Variants in MAGEC2 observed in about 807,000 individuals in gnomAD.
MAGEC2 encodes melanoma-associated antigen C2.
For synonymous variants in MAGEC2, 127 were observed against 115.1 expected (o/e 1.10, Z -0.66); for missense variants, 332 against 282.3 (o/e 1.18, Z -1.26).
In MAGEC2 at chrX:142,203,954, C is replaced by T; in HGVS notation, c.34G>A (p.Val12Ile). Reference sequence around the variant, plus strand: ...ACTGAGGTCGGGGAGTCGTTGTCAACGTTGCGGAATGGAACGCCTGGAACG... The same window carrying T: ...ACTGAGGTCGGGGAGTCGTTGTCAATGTTGCGGAATGGAACGCCTGGAACG... ...PPVPGVPFRN[V>I]DNDSPTSVEL... Residue 12 changes from valine (V) to isoleucine (I), a missense_variant, in exon 3 of 3, where the codon GTT becomes ATT. By Grantham distance (29) the Val-to-Ile change is conservative. Transcript: ENST00000247452. The T allele has an allele frequency of 2.5e-6, 3 of 1,177,939 alleles. No individual in the cohort carries two copies. The highest frequency in any genetic ancestry group is 3.4e-6 in the Non-Finnish European group (3 of 879,522).
In MAGEC2 at chrX:142,202,667, A is replaced by T. The variant is rs1162581403; in HGVS notation, c.*199T>A. The T allele has an allele frequency of 1.3e-5, 5 of 395,408 alleles. No homozygotes were observed. The highest frequency in any genetic ancestry group is 2.2e-5 in the Non-Finnish European group (5 of 231,693). 32.6% of individuals were successfully genotyped at this position (395,408 alleles called of 1,213,427 possible). ...AATACATGTGCGACTAATATTCATAAATTAACACTCTGAAGCTAACTACCT... is the reference window on the plus strand; with the variant it reads ...AATACATGTGCGACTAATATTCATATATTAACACTCTGAAGCTAACTACCT... On this transcript the variant is annotated 3_prime_UTR_variant, in exon 3 of 3. Transcript: ENST00000247452.
chrX:142,204,492 A>T (rs1569491835), intron 1 of MAGEC2, 37 bp from the exon 2 acceptor site: 1 of 147,810 alleles, frequency 6.8e-6, no homozygotes, highest in Non-Finnish European at 1.3e-5. Flanking sequence ...CAGGCTAAAG[A>T]CTGCAAGTAG....
In MAGEC2 at chrX:142,203,486, G is replaced by C; in HGVS notation, c.502C>G (p.Leu168Val). The part of the protein sequence containing the change: ...AEEPVTEAEM[L>V]MIVIKYKDYF... ...TCTTTGTACTTGATGACAATCATCAGCATCTCTGCCTCTGTTACAGGCTCC... is the reference window on the plus strand; with the variant it reads ...TCTTTGTACTTGATGACAATCATCACCATCTCTGCCTCTGTTACAGGCTCC... Residue 168 changes from leucine to valine, a missense_variant, in exon 3 of 3, where the codon CTG becomes GTG. Transcript: ENST00000247452. The C allele has an allele frequency of 8.3e-7, 1 of 1,211,699 alleles. No individual in the cohort carries two copies. The highest frequency in any genetic ancestry group is 1.1e-6 in the Non-Finnish European group (1 of 895,523).
In MAGEC2 at chrX:142,203,313, G is replaced by A. The variant is rs1213757650; in HGVS notation, c.675C>T (p.Pro225=). 2.5e-6 allele frequency: 3 copies of A among 1,211,250 alleles called. No individual in the cohort carries two copies. The highest frequency in any genetic ancestry group is 3.0e-5 in the East Asian group (1 of 33,779). Residue 225 remains proline, a synonymous_variant, in exon 3 of 3, where the codon CCC becomes CCT. Transcript: ENST00000247452. ...TDEGSDDEGM[P]ENSLLIIILS... is the part of the protein sequence containing the mutation. ...GAATAATAATCAGGAGGCTGTTCTC[G>A]GGCATGCCCTCATCATCACTACCCT...
In MAGEC2 at chrX:142,202,582, A is replaced by G. The variant is rs769579340; in HGVS notation, c.*284T>C. 3.5e-6 allele frequency: 1 copy of G among 283,220 alleles called. No individual in the cohort carries two copies. The highest frequency in any genetic ancestry group is 6.2e-6 in the Non-Finnish European group (1 of 161,186). The allele number at this position is 283,220 out of a possible 1,213,427, so 23.3% of individuals were successfully genotyped here. A position where few individuals can be genotyped will look rare whatever the true frequency, so the allele number is the denominator to read the frequency against. On this transcript the variant is annotated 3_prime_UTR_variant, in exon 3 of 3. Coordinates refer to ENST00000247452, the MANE Select transcript of MAGEC2 (RefSeq NM_016249.4). ...TGTTACAGATCACAAAATAAGGGAG[A>G]AGGTATTTCCATTTTTTTAACAAAA...
chrX:142,203,573 A>G lies in MAGEC2; in HGVS notation c.415T>C (p.Tyr139His). The G allele has an allele frequency of 8.3e-7, 1 of 1,210,967 alleles. No individual in the cohort carries two copies. Among genetic ancestry groups the G allele is most frequent in the Non-Finnish European group, 1.1e-6 (1 of 895,317 alleles). The change falls in exon 3 of 3, where the codon TAT (tyrosine) becomes CAT (histidine). Residue 139 changes from tyrosine (Y) to histidine (H), a missense_variant. By Grantham distance (83) the Tyr-to-His change is moderately conservative (BLOSUM62 2). Coordinates refer to ENST00000247452, the MANE Select transcript of MAGEC2 (RefSeq NM_016249.4). ...GLPDSESSFT[Y>H]TLDEKVAELV... The stretch of plus-strand genomic sequence containing the variant: ...TCGGCCACCTTTTCATCTAGTGTAT[A>G]TGTGAAAGAGGACTCACTGTCTGGC...
In MAGEC2 at chrX:142,204,335, T is replaced by G. The variant is rs190803426; in HGVS notation, c.-67+27A>C. Reference sequence around the variant, plus strand: ...CCTCTGTTTCTGGGGGTAGGGCCCTTGGTACACAGCCAGGGTGTGCACTCA... The same window carrying G: ...CCTCTGTTTCTGGGGGTAGGGCCCTGGGTACACAGCCAGGGTGTGCACTCA... On this transcript the variant is annotated intron_variant, in intron 2 of 2. Transcript: ENST00000247452. The G allele has an allele frequency of 9.8e-5, 38 of 389,607 alleles. No individual in the cohort carries two copies. The Middle Eastern group carries it at 2.1e-3, about 22-fold the overall frequency. The allele number at this position is 389,607 out of a possible 1,213,427, so 32.1% of individuals were successfully genotyped here.
rs1602740345 is a variant in MAGEC2, at chrX:142,203,475, G to C, written c.513C>G (p.Val171=). 8.3e-7 allele frequency: 1 copy of C among 1,209,710 alleles called. No individual in the cohort carries two copies. Among genetic ancestry groups the C allele is most frequent in the Admixed American group, 2.2e-5 (1 of 45,772 alleles). The change falls in exon 3 of 3, where the codon GTC becomes GTG. Residue 171 remains valine, a synonymous_variant. Transcript: ENST00000247452. ...PVTEAEMLMI[V]IKYKDYFPVI... Reference sequence around the variant, plus strand: ...CAGGAAAGTAATCTTTGTACTTGATGACAATCATCAGCATCTCTGCCTCTG... The same window carrying C: ...CAGGAAAGTAATCTTTGTACTTGATCACAATCATCAGCATCTCTGCCTCTG...
Position 142,202,844 on chromosome X carries a change from G to C in MAGEC2, c.*22C>G. On this transcript the variant is annotated 3_prime_UTR_variant, in exon 3 of 3. Transcript: ENST00000247452. Reference sequence around the variant, plus strand: ...CCTAAACTGCCCTGTTCAAACACAAGGGGAAGAAACTATCCTAGACTTCAC... The same window carrying C: ...CCTAAACTGCCCTGTTCAAACACAACGGGAAGAAACTATCCTAGACTTCAC... The C allele has an allele frequency of 8.4e-7, 1 of 1,190,455 alleles. No homozygotes were observed. Among genetic ancestry groups the C allele is most frequent in the South Asian group, 1.9e-5 (1 of 53,379 alleles).
At position 142,203,246 on chromosome X, in the gene MAGEC2, C is replaced by A; in HGVS notation, c.742G>T (p.Val248Phe). ...ACTGCATTCAGCACTTCCCAGATGA[C>A]CTCCTCAGAGGCACAGTTGCCCTTT... is the stretch of plus-strand genomic sequence containing the variant. ...FIKGNCASEEVIWEVLNAVGV... is the reference protein window; with the variant it reads ...FIKGNCASEEFIWEVLNAVGV... Residue 248 changes from valine to phenylalanine, a missense_variant, in exon 3 of 3, where the codon GTC (valine) becomes TTC (phenylalanine). Transcript: ENST00000247452. The A allele has an allele frequency of 8.3e-7, 1 of 1,211,516 alleles. No homozygotes were observed.
intron 1 of MAGEC2, among the ~76,000 whole-genome samples, 184 bp downstream of exon 1, chrX:142,204,918 AC>A (rs1931213891): frequency 9.0e-6 from 1 of 110,764 alleles, no homozygotes; most frequent in Admixed American, 9.5e-5. Flanking sequence ...GATGGCTGCC[AC>A]CCCGCCTGAG....
In MAGEC2 at chrX:142,203,541, C is replaced by T. The variant is rs369610700; in HGVS notation, c.447G>A (p.Val149=). Reference sequence around the variant, plus strand: ...CTTCGTATTTGAGGAGCAGGAACTCCACTAACTCGGCCACCTTTTCATCTA... The same window carrying T: ...CTTCGTATTTGAGGAGCAGGAACTCTACTAACTCGGCCACCTTTTCATCTA... ...YTLDEKVAEL[V]EFLLLKYEAE... The change falls in exon 3 of 3, where the codon GTG becomes GTA. Residue 149 remains valine (V), a synonymous_variant. Transcript: ENST00000247452. The T allele has an allele frequency of 9.1e-6, 11 of 1,209,108 alleles. No individual in the cohort carries two copies. In the Admixed American group the frequency reaches 2.4e-4, roughly 26 times the overall value.
rs35094955 is a variant in MAGEC2, at chrX:142,203,164, G to C, written c.824C>G (p.Thr275Ser). 9.0e-3 allele frequency: 10,874 copies of C among 1,209,412 alleles called. 60 individuals are homozygous for C. Among genetic ancestry groups the C allele is most frequent in the Non-Finnish European group, 8.5e-3 (7,633 of 894,964 alleles). The change falls in exon 3 of 3, where the codon ACT becomes AGT. Residue 275 changes from threonine to serine, a missense_variant. By Grantham distance (58) the Thr-to-Ser change is moderately conservative. Coordinates refer to ENST00000247452, the MANE Select transcript of MAGEC2 (RefSeq NM_016249.4). ...GTAATGTCCCTGCACCCAAACTTTA[G>C]TGAGGAGCTCCCTAGGCTCCCCATA... is the stretch of plus-strand genomic sequence containing the variant. Reference protein sequence around the residue: ...FVYGEPRELLTKVWVQGHYLE... With the variant: ...FVYGEPRELLSKVWVQGHYLE...
Position 142,202,746 on chromosome X carries a change from A to G in MAGEC2, c.*120T>C, listed in dbSNP as rs1196835838. 2 of 647,234 alleles carry G rather than the reference A, an allele frequency of 3.1e-6. No homozygotes were observed. The allele number at this position is 647,234 out of a possible 1,213,427, so 53.3% of individuals were successfully genotyped here. ...TACTGAAAAACAGGTAAATCTCTAC[A>G]TCACCCATATGGGACAGAAATGCAA... is the stretch of plus-strand genomic sequence containing the variant. On this transcript the variant is annotated 3_prime_UTR_variant, in exon 3 of 3. Transcript: ENST00000247452.
chrX:142,204,693 G>A (rs1931209191), intron 1 of MAGEC2, among the ~76,000 whole-genome samples: 1 of 111,958 alleles, frequency 8.9e-6, no homozygotes, highest in African/African-American at 3.3e-5. Context: ...AGCAGTGGGA[G>A]GTAGGGCGGT....
Position 142,203,342 on chromosome X carries a change from C to G in MAGEC2, c.646G>C (p.Asp216His). 8.3e-7 allele frequency: 1 copy of G among 1,211,561 alleles called. No homozygotes were observed. Among genetic ancestry groups the G allele is most frequent in the Non-Finnish European group, 1.1e-6 (1 of 895,479 alleles). The change falls in exon 3 of 3, where the codon GAT becomes CAT. Residue 216 changes from aspartate (D) to histidine (H), a missense_variant. Physicochemically the swap from Asp to His is moderately conservative, Grantham distance 81 (BLOSUM62 -1). Transcript: ENST00000247452. ...ATGCCCTCATCATCACTACCCTCAT[C>G]GGTGAGGCCTACTGTGTTTGCAAAC... ...CVFANTVGLT[D>H]EGSDDEGMPE...
At chrX:142,204,837 C>T (rs1386888662) in intron 1 of MAGEC2, among the ~76,000 whole-genome samples, 1 of 111,560 alleles carries the variant, frequency 9.0e-6, no homozygotes, top group Non-Finnish European at 1.9e-5. Flanking sequence ...GAGGCAGCTC[C>T]CCGTGCTGAC....
In MAGEC2 at chrX:142,202,945, A is replaced by G. The variant is rs760988978; in HGVS notation, c.1043T>C (p.Ile348Thr). ...KDVEERVQAT[I>T]DTADDATVMA... ...GACAGTGGCATCATCTGCGGTATCA[A>G]TTGTGGCCTGGACTCTCTCTTCCAC... The change falls in exon 3 of 3, where the codon ATT (isoleucine) becomes ACT (threonine). Residue 348 changes from isoleucine (I) to threonine (T), a missense_variant. Physicochemically the swap from Ile to Thr is moderately conservative, Grantham distance 89 (BLOSUM62 -1). Coordinates refer to ENST00000247452, the MANE Select transcript of MAGEC2 (RefSeq NM_016249.4). 13 of 1,209,883 alleles carry G rather than the reference A, an allele frequency of 1.1e-5. No individual in the cohort carries two copies. The highest frequency in any genetic ancestry group is 5.3e-5 in the African/African-American group (3 of 57,112).
Position 142,203,641 on chromosome X carries a change from G to C in MAGEC2, c.347C>G (p.Ser116Cys). Reference sequence around the variant, plus strand: ...TGTATCCTCCCCTTTCTGGCTGCTGGACTCCTCACTGAATGAGCTCCATGA... The same window carrying C: ...TGTATCCTCCCCTTTCTGGCTGCTGCACTCCTCACTGAATGAGCTCCATGA... ...SFSWSSFSEE[S>C]SSQKGEDTGT... The change falls in exon 3 of 3, where the codon TCC becomes TGC. Residue 116 changes from serine to cysteine, a missense_variant. Coordinates refer to ENST00000247452, the MANE Select transcript of MAGEC2 (RefSeq NM_016249.4). 1.7e-6 allele frequency: 2 copies of C among 1,210,534 alleles called. No homozygotes were observed. The highest frequency in any genetic ancestry group is 2.2e-6 in the Non-Finnish European group (2 of 895,245).
Sources: allele counts gnomAD v4.1 joint callset (sites outside exome capture counted in the v4.1 genomes callset), GRCh38; gene constraint gnomAD v4.1.1; transcripts MANE v1.5; gene names NCBI Gene and HGNC (gene_info 2026-07-23, HGNC 2026-07-21).